The following CERT1 variants were observed in gnomAD, a reference collection of about 807,000 sequenced individuals.
The protein encoded by CERT1 is ceramide transfer protein.
In CERT1, 31 loss-of-function variants were observed where a neutral mutation model predicts 87.9. The ratio of observed to expected loss-of-function variants is 0.35; its 90% CI spans 0.27 to 0.48. The LOEUF (loss-of-function observed/expected upper bound fraction) is 0.48. Among genes scored for constraint, CERT1 ranks in the 20% least tolerant of loss-of-function variants. CERT1 has a pLI of 0.99. For synonymous variants in CERT1, 289 were observed against 250.9 expected (o/e 1.15, Z -1.44); for missense variants, 487 against 758.0 (o/e 0.64, Z 4.20).
intron 2 of CERT1, among the ~76,000 whole-genome samples, chr5:75,465,310 T>C (rs1170016397): frequency 1.3e-5 from 2 of 152,216 alleles, no homozygotes; most frequent in African/African-American, 4.8e-5. Context: ...ACCCTGACAG[T>C]AGGATATCTG....
intron 2 of CERT1, among the ~76,000 whole-genome samples, chr5:75,484,388 C>T (rs1766404567): frequency 6.7e-6 from 1 of 149,568 alleles, no homozygotes. Flanking sequence ...AGGAGTAAAT[C>T]CTTGCTTATT....
chr5:75,511,832 A>T, upstream of CERT1: 1 of 1,550,592 alleles, frequency 6.4e-7, no homozygotes, highest in Non-Finnish European at 8.7e-7. Context: ...GTAGGGATGC[A>T]GCTGTGCTGC....
downstream of CERT1, chr5:75,374,835 A>G: frequency 1.9e-6 from 1 of 513,500 alleles, no homozygotes; most frequent in South Asian, 1.5e-5. Context: ...AAGACTGAAG[A>G]TGGACTATTC....
chr5:75,468,507 C>T (rs879327951), intron 2 of CERT1, among the ~76,000 whole-genome samples: 6 of 152,136 alleles, frequency 3.9e-5, no homozygotes, highest in Non-Finnish European at 7.4e-5. Context: ...AACTGAATCT[C>T]CTCACCTATC....
At chr5:75,403,452 TAA>T (rs1467125532) in intron 8 of CERT1, among the ~76,000 whole-genome samples, 1 of 152,230 alleles carries the variant, frequency 6.6e-6, no homozygotes, top group African/African-American at 2.4e-5. Context: ...TACTTGAAAT[TAA>T]AAGTTTGGTG....
chr5:75,498,086 C>A (rs1767159558), intron 2 of CERT1, among the ~76,000 whole-genome samples: 1 of 152,182 alleles, frequency 6.6e-6, no homozygotes, highest in African/African-American at 2.4e-5. Context: ...AGCAAAGAGA[C>A]TGGCGGCATT....
chr5:75,463,994 G>A (rs1249650870), intron 2 of CERT1, among the ~76,000 whole-genome samples: 2 of 152,120 alleles, frequency 1.3e-5, no homozygotes, highest in African/African-American at 4.8e-5. Context: ...AGGCCTGATG[G>A]TTGGCTTCCT....
At chr5:75,501,596 G>A (rs1767371330) in intron 2 of CERT1, among the ~76,000 whole-genome samples, 1 of 152,106 alleles carries the variant, frequency 6.6e-6, no homozygotes, top group Non-Finnish European at 1.5e-5. Context: ...GCAGTTTAAG[G>A]AACTGGTTGA....
At chr5:75,389,712 G>C (rs889580910) in intron 11 of CERT1, 25 bp from the exon 12 acceptor site, 3 of 1,550,888 alleles carry the variant, frequency 1.9e-6, no homozygotes, top group African/African-American at 1.4e-5. Flanking sequence ...AAAAAGGCAT[G>C]AGAATCCAAA....
intron 12 of CERT1, among the ~76,000 whole-genome samples, chr5:75,388,436 C>T (rs934946246): frequency 6.6e-6 from 1 of 151,730 alleles, no homozygotes; most frequent in African/African-American, 2.4e-5. Context: ...ACCCTTGTCA[C>T]AACTTTCTTT....
intron 2 of CERT1, among the ~76,000 whole-genome samples, chr5:75,503,794 C>A (rs1256693120): frequency 6.1e-4 from 1 of 1,638 alleles, no homozygotes; most frequent in Admixed American, 0.01. Flanking sequence ...TAAAGTAACA[C>A]TGTTTTCTTC....
chr5:75,416,785 C>G (rs1763150133), intron 7 of CERT1, 91 bp downstream of exon 7: 2 of 1,156,480 alleles, frequency 1.7e-6, no homozygotes, highest in Non-Finnish European at 2.4e-6. Context: ...ACCCAAGATT[C>G]TTCCCTAAGA....
intron 2 of CERT1, among the ~76,000 whole-genome samples, chr5:75,497,550 T>C (rs1255542317): frequency 6.6e-6 from 1 of 151,976 alleles, no homozygotes; most frequent in South Asian, 2.1e-4. Context: ...CCATGTGCTG[T>C]GGAAAGGACC....
intron 7 of CERT1, among the ~76,000 whole-genome samples, chr5:75,414,344 GT>G (rs976381455): frequency 5.9e-5 from 9 of 151,856 alleles, no homozygotes; most frequent in African/African-American, 2.2e-4. Flanking sequence ...GTATACAAAC[GT>G]TAAAAAAAAT....
At chr5:75,422,714 A>G (rs140365032) in intron 5 of CERT1, among the ~76,000 whole-genome samples, 5 of 152,312 alleles carry the variant, frequency 3.3e-5, no homozygotes, top group South Asian at 2.1e-4. Context: ...TCAGAAATTC[A>G]TATGTTGAAG....
intron 6 of CERT1, among the ~76,000 whole-genome samples, 162 bp from the exon 7 acceptor site, chr5:75,417,195 A>G (rs926604221): frequency 2.0e-5 from 3 of 152,232 alleles, no homozygotes; most frequent in African/African-American, 7.2e-5. Context: ...TCCAAGCTCT[A>G]TAAGCAAAGA....
intron 2 of CERT1, among the ~76,000 whole-genome samples, chr5:75,475,345 T>C (rs1299791231): frequency 3.9e-5 from 6 of 152,202 alleles, no homozygotes; most frequent in Non-Finnish European, 8.8e-5. Flanking sequence ...AAAAGACTTT[T>C]AGTGACCAGT....
intron 2 of CERT1, among the ~76,000 whole-genome samples, chr5:75,484,488 G>C (rs1766412921): frequency 7.0e-6 from 1 of 143,742 alleles, no homozygotes. Flanking sequence ...AAGACCCAAT[G>C]ATCTGTTGCC....
intron 8 of CERT1, among the ~76,000 whole-genome samples, chr5:75,407,897 T>C (rs1367420069): frequency 6.8e-6 from 1 of 147,226 alleles, no homozygotes; most frequent in Admixed American, 6.7e-5. Context: ...TTTTTTATTA[T>C]GGTAAAAAAA....
Sources: allele counts gnomAD v4.1 joint callset (sites outside exome capture counted in the v4.1 genomes callset), GRCh38; gene constraint gnomAD v4.1.1; transcripts MANE v1.5; gene names NCBI Gene and HGNC (gene_info 2026-07-23, HGNC 2026-07-21).